Variants in DLGAP2 observed in about 807,000 individuals in gnomAD.
DLGAP2 encodes the protein DLG associated protein 2.
A neutral mutation model predicts 100.3 loss-of-function variants in DLGAP2; 26 were observed. The observed-to-expected ratio is 0.26, with a 90% CI of 0.19 to 0.36. The LOEUF is 0.36. Ranked by LOEUF, DLGAP2 falls within the 10% of genes least tolerant of loss-of-function variation. DLGAP2 has a pLI of 1.00. For missense variants in DLGAP2, 1,858 were observed against 1,453.2 expected (o/e 1.28, Z -4.53); for synonymous variants, 886 against 630.1 (o/e 1.41, Z -6.08).
At chr8:1,441,947 A>C (rs953777591) in intron 3 of DLGAP2, among the ~76,000 whole-genome samples, 3 of 152,176 alleles carry the variant, frequency 2.0e-5, no homozygotes, top group Admixed American at 1.3e-4. Context: ...GGACAAGATC[A>C]TGTATTTTGC....
In DLGAP2 at chr8:1,577,491, C is replaced by T. The variant is rs993149451; in HGVS notation, c.1442+11597C>T. Among the ~76,000 whole-genome samples, 18 of 148,242 alleles carry T rather than the reference C, an allele frequency of 1.2e-4. 1 individual carries two copies. Among genetic ancestry groups the T allele is most frequent in the African/African-American group, 4.6e-4 (18 of 38,954 alleles). The stretch of plus-strand genomic sequence containing the variant: ...GCTGAGGCAGGAGAATCACTTGAAC[C>T]CGGGAGGCGGAGGTTGCAGTGAGCC... On this transcript the variant is annotated intron_variant, in intron 6 of 14. Transcript: ENST00000637795.
intron 2 of DLGAP2, among the ~76,000 whole-genome samples, chr8:1,257,262 C>T (rs917188971): frequency 4.6e-5 from 7 of 152,180 alleles, no homozygotes; most frequent in Non-Finnish European, 4.4e-5. Flanking sequence ...GCTCCGTCCC[C>T]GCCCCGCCCA....
chr8:1,374,923 C>T (rs1056796151), intron 3 of DLGAP2, among the ~76,000 whole-genome samples: 4 of 152,152 alleles, frequency 2.6e-5, no homozygotes, highest in Non-Finnish European at 4.4e-5. Flanking sequence ...AAGCCCAATA[C>T]GACAGCCAGG....
At chr8:1,345,753 T>C (rs1801540069) in intron 3 of DLGAP2, among the ~76,000 whole-genome samples, 1 of 152,260 alleles carries the variant, frequency 6.6e-6, no homozygotes, top group Admixed American at 6.5e-5. Flanking sequence ...ACACAAGTTA[T>C]TGAAACTTTC....
At chr8:974,336 A>G (rs559701563) in intron 2 of DLGAP2, among the ~76,000 whole-genome samples, 1 of 152,366 alleles carries the variant, frequency 6.6e-6, no homozygotes, top group East Asian at 1.9e-4. Context: ...TTTGTAAACC[A>G]TGCAAGCAGG....
At position 1,351,707 on chromosome 8, in the gene DLGAP2, A is replaced by C. The variant is rs1365014483; in HGVS notation, c.106+92824A>C. 1.1e-3 allele frequency among the ~76,000 whole-genome samples: 56 copies of C among 50,252 alleles called. 1 individual carries two copies. Among genetic ancestry groups the C allele is most frequent in the Middle Eastern group, 0.025 (1 of 40 alleles). The allele number at this position is 50,252 out of a possible 152,430, so 33.0% of individuals were successfully genotyped here. A position where few individuals can be genotyped will look rare whatever the true frequency, so the allele number is the denominator to read the frequency against. The stretch of plus-strand genomic sequence containing the variant: ...GTGTGGGTCCTGACTGTGCGTGGAA[A>C]GGCCATGCGGGTCCTGAGTGTGTGT... On this transcript the variant is annotated intron_variant, in intron 3 of 14. Transcript: ENST00000637795.
At chr8:1,202,992 C>T (rs1797912189) in intron 2 of DLGAP2, among the ~76,000 whole-genome samples, 1 of 152,180 alleles carries the variant, frequency 6.6e-6, no homozygotes. Flanking sequence ...CCGGTGATTG[C>T]AGAGTTCTCC....
In DLGAP2 at chr8:1,171,364, T is replaced by G. The variant is rs565379642; in HGVS notation, c.74-87487T>G. 7.4e-3 allele frequency among the ~76,000 whole-genome samples: 1,130 copies of G among 152,276 alleles called. 4 individuals are homozygous for G. The highest frequency in any genetic ancestry group is 0.012 in the Non-Finnish European group (822 of 68,026). On this transcript the variant is annotated intron_variant, in intron 2 of 14. Coordinates refer to ENST00000637795, the MANE Select transcript of DLGAP2 (RefSeq NM_001346810.2). Reference sequence around the variant, plus strand: ...CTGAAAAAAATGTATATTCTGTTGATTTGGGGTGGAGAGTTCTGTAGATGT... The same window carrying G: ...CTGAAAAAAATGTATATTCTGTTGAGTTGGGGTGGAGAGTTCTGTAGATGT...
intron 2 of DLGAP2, among the ~76,000 whole-genome samples, chr8:1,008,507 C>G (rs1031832105): frequency 6.6e-6 from 1 of 152,202 alleles, no homozygotes; most frequent in Non-Finnish European, 1.5e-5. Context: ...ATCATATTTT[C>G]TTATTGATGC....
intron 2 of DLGAP2, among the ~76,000 whole-genome samples, chr8:1,212,198 C>G (rs1176006406): frequency 1.3e-5 from 2 of 152,170 alleles, no homozygotes; most frequent in Non-Finnish European, 1.5e-5. Context: ...TGTTCATGAT[C>G]TTTCAATCTT....
intron 2 of DLGAP2, among the ~76,000 whole-genome samples, chr8:1,182,947 C>A (rs780634211): frequency 1.3e-5 from 2 of 152,224 alleles, no homozygotes; most frequent in East Asian, 3.9e-4. Flanking sequence ...GTGGGAGACG[C>A]GCACCATGGA....
chr8:1,283,432 A>G (rs953048815), intron 3 of DLGAP2, among the ~76,000 whole-genome samples: 3 of 152,132 alleles, frequency 2.0e-5, no homozygotes, highest in Non-Finnish European at 4.4e-5. Context: ...GTTTGTTTTG[A>G]TTTATTGAAT....
intron 2 of DLGAP2, among the ~76,000 whole-genome samples, chr8:1,130,958 T>G (rs1239257530): frequency 6.6e-6 from 1 of 152,146 alleles, no homozygotes; most frequent in African/African-American, 2.4e-5. Flanking sequence ...GAGGGGCCGG[T>G]CCTGGCTGTG....
At chr8:797,091 C>T (rs903205698) in intron 1 of DLGAP2, among the ~76,000 whole-genome samples, 1 of 152,046 alleles carries the variant, frequency 6.6e-6, no homozygotes, top group Admixed American at 6.5e-5. Context: ...AACTTTTATG[C>T]AATAAAATGA....
At chr8:1,505,022 A>C (rs1418460874) in intron 4 of DLGAP2, among the ~76,000 whole-genome samples, 1 of 152,216 alleles carries the variant, frequency 6.6e-6, no homozygotes, top group Non-Finnish European at 1.5e-5. Context: ...AGGAAGAAGG[A>C]AGGAAAGAGG....
chr8:1,278,692 CTA>C (rs1354784059), intron 3 of DLGAP2, among the ~76,000 whole-genome samples: 4 of 152,154 alleles, frequency 2.6e-5, no homozygotes, highest in Admixed American at 2.0e-4. Context: ...ACCCTCTTAT[CTA>C]TATGTTTTAG....
intron 4 of DLGAP2, among the ~76,000 whole-genome samples, chr8:1,533,636 C>T (rs1453921513): frequency 6.6e-6 from 1 of 152,022 alleles, no homozygotes; most frequent in Admixed American, 6.5e-5. Flanking sequence ...TTTTAACTTG[C>T]AATGTTTATA....
intron 4 of DLGAP2, among the ~76,000 whole-genome samples, chr8:1,542,123 G>C (rs1801383033): frequency 6.6e-6 from 1 of 152,218 alleles, no homozygotes; most frequent in Non-Finnish European, 1.5e-5. Flanking sequence ...TTATGAAACA[G>C]ATCTTTTCCT....
At chr8:1,420,751 G>T (rs890165667) in intron 3 of DLGAP2, among the ~76,000 whole-genome samples, 1 of 152,052 alleles carries the variant, frequency 6.6e-6, no homozygotes, top group East Asian at 1.9e-4. Flanking sequence ...TCCCTGGCTC[G>T]GTGGTAATCT....
Sources: gnomAD v4.1 joint callset for allele counts (sites outside exome capture counted in the v4.1 genomes callset) on GRCh38, gnomAD v4.1.1 for gene constraint, MANE v1.5 for transcripts, NCBI Gene and HGNC (gene_info 2026-07-23, HGNC 2026-07-21) for gene names.